The following AATF variants were observed in gnomAD, a reference collection of about 807,000 sequenced individuals.
The protein encoded by AATF is protein AATF.
Under a neutral mutation model 63.7 loss-of-function variants are expected in AATF, and 48 were observed. The ratio of observed to expected loss-of-function variants is 0.75; its 90% CI spans 0.60 to 0.96. The LOEUF (loss-of-function observed/expected upper bound fraction) is 0.96. Ranked by LOEUF, AATF falls within the 40% of genes least tolerant of loss-of-function variation. The pLI is 0.00. For synonymous variants in AATF, 258 were observed against 247.7 expected, an observed-to-expected ratio of 1.04 and a Z score of -0.39; for missense variants, 639 against 685.7, an observed-to-expected ratio of 0.93 and a Z score of 0.76.
intron 8 of AATF, among the ~76,000 whole-genome samples, chr17:37,009,345 A>C (rs1259654390): frequency 2.1e-5 from 3 of 142,308 alleles, no homozygotes; most frequent in African/African-American, 5.3e-5. Flanking sequence ...GGGTTTCACC[A>C]TGTTGGCCAG....
rs546705727 is a variant in AATF at position 37,035,827 on chromosome 17, T to C, written c.1619+4142T>C. On this transcript the variant is annotated intron_variant, in intron 11 of 11. Transcript: ENST00000619387. ...TAGTCTTTAATAGTTGCCAAATACA[T>C]TTGTGTTAAGGATCTTTATTGCAGT... 3.3e-5 allele frequency among the ~76,000 whole-genome samples: 5 copies of C among 152,328 alleles called. No individual in the cohort carries two copies. The South Asian group carries it at 1.0e-3, about 32-fold the overall frequency.
intron 11 of AATF, among the ~76,000 whole-genome samples, chr17:37,042,067 T>G (rs1188757208): frequency 6.6e-6 from 1 of 152,178 alleles, no homozygotes; most frequent in East Asian, 1.9e-4. Context: ...GTATGAATTC[T>G]CTATATTATG....
At chr17:36,981,702 C>CTTTTTTTTTTTTTT (rs71368433) in intron 4 of AATF, among the ~76,000 whole-genome samples, 2 of 110,480 alleles carry the variant, frequency 1.8e-5, no homozygotes, top group African/African-American at 7.0e-5. Flanking sequence ...TCTTTCTTTT[C>CTTTTTTTTTTTTTT]TTTTTTTTTT....
In AATF at chr17:36,988,866, C is replaced by A. The variant is rs979821569; in HGVS notation, c.1149+146C>A. 5.9e-5 allele frequency: 47 copies of A among 803,010 alleles called. No individual in the cohort carries two copies. In the East Asian group the frequency reaches 1.2e-3, roughly 20 times the overall value. The allele number at this position is 803,010 out of a possible 1,614,324, so 49.7% of individuals were successfully genotyped here. On this transcript the variant is annotated intron_variant, in intron 6 of 11. Coordinates refer to ENST00000619387, the MANE Select transcript of AATF (RefSeq NM_012138.4). ...CATTTCTATAGCAAAATCTACTGAACTTCTGGCACTGGGGTTTATACGATT... is the reference window on the plus strand; with the variant it reads ...CATTTCTATAGCAAAATCTACTGAAATTCTGGCACTGGGGTTTATACGATT...
intron 6 of AATF, 48 bp downstream of exon 6, chr17:36,988,768 C>A: frequency 6.4e-7 from 1 of 1,568,378 alleles, no homozygotes; most frequent in Non-Finnish European, 8.7e-7. Flanking sequence ...GTTGTGGCAA[C>A]TTGAAGAAGT....
intron 4 of AATF, among the ~76,000 whole-genome samples, chr17:36,979,197 C>T (rs1195396948): frequency 1.3e-5 from 2 of 152,006 alleles, no homozygotes; most frequent in Admixed American, 6.6e-5. Context: ...GAGCCTGCCT[C>T]TTGAATTCCA....
At chr17:36,979,724 G>T (rs1367582877) in intron 4 of AATF, among the ~76,000 whole-genome samples, 1 of 152,020 alleles carries the variant, frequency 6.6e-6, no homozygotes. Context: ...TCCTGTTCTC[G>T]CTTCACGCCA....
chr17:36,962,930 C>T (rs147825885), intron 4 of AATF, among the ~76,000 whole-genome samples: 1 of 152,184 alleles, frequency 6.6e-6, no homozygotes, highest in African/African-American at 2.4e-5. Context: ...GAGACCAGTT[C>T]AACATGGTGA....
At chr17:37,037,150 A>G (rs2071599926) in intron 11 of AATF, among the ~76,000 whole-genome samples, 1 of 151,556 alleles carries the variant, frequency 6.6e-6, no homozygotes, top group Non-Finnish European at 1.5e-5. Context: ...CTGGGACTGC[A>G]GGCGCCCACC....
At chr17:36,985,240 G>A (rs892163085) in intron 4 of AATF, among the ~76,000 whole-genome samples, 3 of 151,910 alleles carry the variant, frequency 2.0e-5, no homozygotes, top group Non-Finnish European at 4.4e-5. Flanking sequence ...CACTGCCCCT[G>A]GCTGAGGATG....
intron 10 of AATF, among the ~76,000 whole-genome samples, chr17:37,023,124 G>A (rs946514608): frequency 6.6e-6 from 1 of 152,092 alleles, no homozygotes; most frequent in African/African-American, 2.4e-5. Flanking sequence ...CAAGACTTGC[G>A]TTCAAACCCT....
Position 37,010,230 on chromosome 17 carries a change from G to A in AATF, c.1399-8775G>A, listed in dbSNP as rs889312523. On this transcript the variant is annotated intron_variant, in intron 8 of 11. Coordinates refer to ENST00000619387, the MANE Select transcript of AATF (RefSeq NM_012138.4). Reference sequence around the variant, plus strand: ...AGCACTTTGGGAGGCTGAGGCGGGCGGATCACGAGGTCAGGAGCTCCAGAC... The same window carrying A: ...AGCACTTTGGGAGGCTGAGGCGGGCAGATCACGAGGTCAGGAGCTCCAGAC... Among the ~76,000 whole-genome samples, 8 of 152,092 alleles carry A rather than the reference G, an allele frequency of 5.3e-5. 1 individual carries two copies. The highest frequency in any genetic ancestry group is 3.9e-4 in the Admixed American group (6 of 15,282).
chr17:37,021,365 ACGCC>A (rs1328457704), intron 10 of AATF, among the ~76,000 whole-genome samples: 1 of 152,196 alleles, frequency 6.6e-6, no homozygotes, highest in East Asian at 1.9e-4. Flanking sequence ...GTGGTGGCTC[ACGCC>A]TGTACTCCCA....
At chr17:37,055,700 A>G (rs1189054234) in intron 11 of AATF, 2 of 152,276 alleles carry the variant, frequency 1.3e-5, no homozygotes, top group African/African-American at 4.8e-5. Flanking sequence ...GGGCGTGGAC[A>G]TGGATGGCTG....
At chr17:36,961,284 GTACA>G (rs1567965568) in intron 4 of AATF, among the ~76,000 whole-genome samples, 2 of 152,064 alleles carry the variant, frequency 1.3e-5, no homozygotes, top group African/African-American at 4.8e-5. Context: ...AAACATCCTT[GTACA>G]TACATATTTG....
intron 8 of AATF, among the ~76,000 whole-genome samples, chr17:36,995,039 G>A (rs1432221752): frequency 1.3e-5 from 2 of 152,170 alleles, no homozygotes; most frequent in African/African-American, 2.4e-5. Flanking sequence ...GCGATATTTT[G>A]TTCTGAAAGG....
chr17:36,966,862 C>T (rs989041098), intron 4 of AATF, among the ~76,000 whole-genome samples: 1 of 152,068 alleles, frequency 6.6e-6, no homozygotes, highest in Non-Finnish European at 1.5e-5. Context: ...CCCTGGCCTC[C>T]CAAAGTGCTG....
At chr17:37,015,498 G>A (rs1205503489) in intron 8 of AATF, among the ~76,000 whole-genome samples, 16 of 152,134 alleles carry the variant, frequency 1.1e-4, no homozygotes, top group Admixed American at 1.0e-3. Flanking sequence ...AGGTGGAAAG[G>A]CAAAAGGGAC....
intron 11 of AATF, among the ~76,000 whole-genome samples, chr17:37,036,928 C>T (rs1250841453): frequency 6.6e-6 from 1 of 151,762 alleles, no homozygotes; most frequent in Admixed American, 6.6e-5. Flanking sequence ...TACCATAAGC[C>T]TAAAAATGAT....
Sources: gnomAD v4.1 joint callset for allele counts (sites outside exome capture counted in the v4.1 genomes callset) on GRCh38, gnomAD v4.1.1 for gene constraint, MANE v1.5 for transcripts, NCBI Gene and HGNC (gene_info 2026-07-23, HGNC 2026-07-21) for gene names.